The following KCNN2 variants were observed in gnomAD, a reference collection of about 807,000 sequenced individuals.
KCNN2 encodes the protein potassium calcium-activated channel subfamily N member 2.
A neutral mutation model predicts 55.5 loss-of-function variants in KCNN2; 24 were observed. That is an observed-to-expected ratio of 0.43 (90% confidence interval 0.31 to 0.61). KCNN2 has a LOEUF of 0.61. Ranked by LOEUF, KCNN2 falls within the 20% of genes least tolerant of loss-of-function variation. The probability of loss-of-function intolerance (pLI) is 0.08; values close to 1 mark genes in which losing one functional copy is unlikely to be tolerated. For synonymous variants in KCNN2, 431 were observed against 336.1 expected, an observed-to-expected ratio of 1.28 and a Z score of -3.09; for missense variants, 754 against 853.6, an observed-to-expected ratio of 0.88 and a Z score of 1.45.
At chr5:114,463,291 C>T (rs1761293351) in intron 4 of KCNN2, 101 bp downstream of exon 4, 2 of 873,034 alleles carry the variant, frequency 2.3e-6, no homozygotes, top group Non-Finnish European at 3.5e-6. Context: ...CTTCTTTTCC[C>T]ATCAGCAGGA....
At chr5:114,124,742 C>T (rs758935351) in intron 1 of KCNN2, among the ~76,000 whole-genome samples, 1 of 151,916 alleles carries the variant, frequency 6.6e-6, no homozygotes, top group Non-Finnish European at 1.5e-5. Flanking sequence ...CACTGTTTGC[C>T]TTCTCATTTC....
At chr5:114,375,934 TA>T (rs1235242739) in intron 2 of KCNN2, among the ~76,000 whole-genome samples, 1 of 93,272 alleles carries the variant, frequency 1.1e-5, no homozygotes, top group East Asian at 5.2e-4. Flanking sequence ...TTAAATCATT[TA>T]AAAAAAGACT....
intron 2 of KCNN2, among the ~76,000 whole-genome samples, chr5:114,290,804 C>G (rs75275692): frequency 0.03 from 4,515 of 152,188 alleles, 236 homozygotes; most frequent in African/African-American, 0.1. Flanking sequence ...ACTTTTATCT[C>G]TAAATATCTT....
chr5:114,248,240 T>A (rs1482983512), intron 2 of KCNN2, among the ~76,000 whole-genome samples: 1 of 152,108 alleles, frequency 6.6e-6, no homozygotes, highest in African/African-American at 2.4e-5. Flanking sequence ...AGCTTGAGAG[T>A]TGGTGTCATC....
rs114461428 is a variant in KCNN2, at chr5:114,321,975, T to G, written c.-184-38970T>G. Among the ~76,000 whole-genome samples, 1,062 of 152,324 alleles carry G rather than the reference T, an allele frequency of 7.0e-3. 10 individuals carry two copies. The highest frequency in any genetic ancestry group is 0.024 in the African/African-American group (992 of 41,562). The stretch of plus-strand genomic sequence containing the variant: ...GTCACTGGATATTTCACAGAAGCTG[T>G]GAAGATGTATTTAGCTTCTGTCTTC... On this transcript the variant is annotated intron_variant, in intron 2 of 10. Coordinates refer to the KCNN2 transcript ENST00000512097.
At chr5:114,278,222 T>C (rs1196736784) in intron 2 of KCNN2, among the ~76,000 whole-genome samples, 2 of 152,160 alleles carry the variant, frequency 1.3e-5, no homozygotes, top group Non-Finnish European at 2.9e-5. Context: ...TCTAGAAGCT[T>C]CATCCCAGAG....
At chr5:114,375,919 A>G (rs887543939) in intron 2 of KCNN2, among the ~76,000 whole-genome samples, 11 of 146,078 alleles carry the variant, frequency 7.5e-5, no homozygotes, top group Non-Finnish European at 1.3e-4. Context: ...GCTCTTGTGG[A>G]GTTTTTAAAT....
At chr5:114,108,955 A>G (rs994397847) in intron 1 of KCNN2, among the ~76,000 whole-genome samples, 2 of 152,004 alleles carry the variant, frequency 1.3e-5, no homozygotes, top group African/African-American at 4.8e-5. Context: ...AGTTTTCCAG[A>G]GTGGTTTATT....
chr5:114,277,012 G>C (rs560647525), intron 2 of KCNN2, among the ~76,000 whole-genome samples: 1 of 152,252 alleles, frequency 6.6e-6, no homozygotes, highest in East Asian at 1.9e-4. Flanking sequence ...TCCTTCAGGA[G>C]CTCTTGTAGG....
At chr5:114,125,482 AG>A (rs1250119367) in intron 1 of KCNN2, among the ~76,000 whole-genome samples, 1 of 152,168 alleles carries the variant, frequency 6.6e-6, no homozygotes, top group Non-Finnish European at 1.5e-5. Context: ...TTCTAAAGCA[AG>A]TAGGAAAGCT....
intron 1 of KCNN2, among the ~76,000 whole-genome samples, chr5:114,087,380 G>C (rs1214568931): frequency 1.3e-5 from 2 of 152,004 alleles, no homozygotes; most frequent in African/African-American, 4.8e-5. Context: ...GTGTTTACTA[G>C]GTTTTCTTCT....
At chr5:114,163,627 T>G (rs768648987) in intron 1 of KCNN2, among the ~76,000 whole-genome samples, 54 of 152,194 alleles carry the variant, frequency 3.5e-4, no homozygotes, top group Non-Finnish European at 7.2e-4. Context: ...CTTTCACTGT[T>G]GTTGCCCCTT....
intron 1 of KCNN2, among the ~76,000 whole-genome samples, chr5:114,128,183 C>A (rs542676662): frequency 6.6e-6 from 1 of 152,188 alleles, no homozygotes; most frequent in African/African-American, 2.4e-5. Flanking sequence ...TTATTCTGTT[C>A]TAGTTCTGCT....
chr5:114,375,027 A>T (rs1358150789), intron 2 of KCNN2, among the ~76,000 whole-genome samples: 3 of 152,172 alleles, frequency 2.0e-5, no homozygotes, highest in African/African-American at 7.2e-5. Context: ...TGACAAAGAC[A>T]TACTGATTTT....
At chr5:114,191,477 A>C (rs1464252880) in intron 1 of KCNN2, among the ~76,000 whole-genome samples, 1 of 152,176 alleles carries the variant, frequency 6.6e-6, no homozygotes, top group African/African-American at 2.4e-5. Flanking sequence ...TTGCAACCAG[A>C]AGGAAGCTTG....
intron 2 of KCNN2, among the ~76,000 whole-genome samples, chr5:114,273,849 T>A (rs1192276349): frequency 1.3e-5 from 2 of 152,248 alleles, no homozygotes. Context: ...GCTCTTTAGA[T>A]TAATTAGATC....
Position 114,496,029 on chromosome 5 carries a change from C to T in KCNN2, c.2223C>T (p.Ser741=), listed in dbSNP as rs779566034. The T allele has an allele frequency of 6.2e-7, 1 of 1,614,062 alleles. No individual in the cohort carries two copies. The highest frequency in any genetic ancestry group is 1.1e-5 in the South Asian group (1 of 91,078). ...GSIHALPGLI[S]QTIRQQQRDF... is the part of the protein sequence containing the mutation. ...TCCACGCCCTCCCTGGGCTCATAAG[C>T]CAGACCATCAGGCAGCAGCAGAGAG... is the stretch of plus-strand genomic sequence containing the variant. The change falls in exon 8 of 8, where the codon AGC becomes AGT. Residue 741 remains serine (S), a synonymous_variant. Coordinates refer to ENST00000673685, the MANE Select transcript of KCNN2 (RefSeq NM_021614.4).
At chr5:114,241,810 ATATATATATGTGTG>A (rs1754645087) in intron 2 of KCNN2, among the ~76,000 whole-genome samples, 1 of 38,158 alleles carries the variant, frequency 2.6e-5, no homozygotes, top group Admixed American at 3.2e-4. Context: ...ATATACGTAT[ATATATATATGTGTG>A]TATATATATA....
At chr5:114,077,938 G>A (rs1750718240) in intron 1 of KCNN2, among the ~76,000 whole-genome samples, 1 of 152,142 alleles carries the variant, frequency 6.6e-6, no homozygotes, top group African/African-American at 2.4e-5. Context: ...AAATGTATTT[G>A]TCTTAGGTGT....
Sources: gnomAD v4.1 joint callset for allele counts (sites outside exome capture counted in the v4.1 genomes callset) on GRCh38, gnomAD v4.1.1 for gene constraint, MANE v1.5 for transcripts, NCBI Gene and HGNC (gene_info 2026-07-23, HGNC 2026-07-21) for gene names.